Variants in SELENOI observed in about 807,000 individuals in gnomAD.
SELENOI encodes the protein ethanolaminephosphotransferase 1.
A neutral mutation model predicts 50.7 loss-of-function variants in SELENOI; 24 were observed. The observed-to-expected ratio is 0.47, with a 90% confidence interval of 0.34 to 0.67. SELENOI has a LOEUF of 0.67. Among genes scored for constraint, SELENOI ranks in the 30% least tolerant of loss-of-function variants. The pLI, the probability that SELENOI is intolerant of heterozygous loss-of-function variation, is 0.01. For missense variants in SELENOI, 352 were observed against 461.4 expected, an observed-to-expected ratio of 0.76 and a Z score of 2.17; for synonymous variants, 155 against 170.2, an observed-to-expected ratio of 0.91 and a Z score of 0.70.
At chr2:26,387,811 G>A (rs575862543) in intron 9 of SELENOI, among the ~76,000 whole-genome samples, 98 of 152,144 alleles carry the variant, frequency 6.4e-4, no homozygotes, top group African/African-American at 2.3e-3. Flanking sequence ...ATGGGGTTGT[G>A]ACAGGGTATT....
At chr2:26,353,351 A>G (rs1676998864) in intron 1 of SELENOI, among the ~76,000 whole-genome samples, 1 of 152,220 alleles carries the variant, frequency 6.6e-6, no homozygotes, top group African/African-American at 2.4e-5. Context: ...GTTGTCCTCT[A>G]TTAGAGGACA....
At chr2:26,347,134 T>C (rs1327598390) in intron 1 of SELENOI, among the ~76,000 whole-genome samples, 3 of 152,206 alleles carry the variant, frequency 2.0e-5, no homozygotes, top group Non-Finnish European at 4.4e-5. Context: ...GCCTGAAATA[T>C]GGGCTTTAAC....
chr2:26,379,197 G>A (rs1330362476), intron 6 of SELENOI, among the ~76,000 whole-genome samples: 2 of 152,220 alleles, frequency 1.3e-5, no homozygotes, highest in Non-Finnish European at 2.9e-5. Context: ...CTGGGAGGTG[G>A]AGGTTGCAGT....
At chr2:26,358,297 G>A (rs977321647) in intron 1 of SELENOI, among the ~76,000 whole-genome samples, 1 of 152,198 alleles carries the variant, frequency 6.6e-6, no homozygotes, top group Non-Finnish European at 1.5e-5. Context: ...TGAGGCAGGA[G>A]AATCGCTTGA....
intron 9 of SELENOI, among the ~76,000 whole-genome samples, chr2:26,388,606 A>C (rs1228034558): frequency 3.3e-5 from 5 of 152,232 alleles, no homozygotes; most frequent in Admixed American, 3.3e-4. Context: ...CTCCAAATTC[A>C]TAGATCTAGT....
At chr2:26,383,904 A>G (rs2147962221) in intron 7 of SELENOI, among the ~76,000 whole-genome samples, 1 of 152,254 alleles carries the variant, frequency 6.6e-6, no homozygotes, top group Non-Finnish European at 1.5e-5. Flanking sequence ...AGATCATAAA[A>G]ATTCTGAATG....
rs559653924 is a variant in SELENOI at position 26,385,299 on chromosome 2, A to G, written c.912+160A>G. Among the ~76,000 whole-genome samples the G allele has an allele frequency of 2.6e-5, 4 of 152,308 alleles. No homozygotes were observed. In the East Asian group the frequency reaches 7.7e-4, roughly 29 times the overall value. The stretch of plus-strand genomic sequence containing the variant: ...AGTAACCTCAAAGACTGAAATGCTG[A>G]AAATTATTTTATTTTGCCCTTTGAA... On this transcript the variant is annotated intron_variant, in intron 8 of 9. Transcript: ENST00000260585.
At chr2:26,386,086 G>A (rs1474470807) in intron 8 of SELENOI, among the ~76,000 whole-genome samples, 1 of 151,768 alleles carries the variant, frequency 6.6e-6, no homozygotes, top group East Asian at 1.9e-4. Context: ...TCAAACTGTT[G>A]CCCAGTGGGA....
chr2:26,373,641 T>G lies in SELENOI; in HGVS notation c.573+12T>G. 1 of 1,611,128 alleles carries G rather than the reference T, an allele frequency of 6.2e-7. No individual in the cohort carries two copies. Among genetic ancestry groups the G allele is most frequent in the Non-Finnish European group, 8.5e-7 (1 of 1,178,282 alleles). The stretch of plus-strand genomic sequence containing the variant: ...ACATTAGCCAGGTGGTAAGTATGTG[T>G]TCTACCTTAAATTTTCAGTATTACC... On this transcript the variant is annotated intron_variant, in intron 5 of 9. Transcript: ENST00000260585.
At chr2:26,351,090 G>A (rs1269829728) in intron 1 of SELENOI, among the ~76,000 whole-genome samples, 12 of 127,740 alleles carry the variant, frequency 9.4e-5, no homozygotes, top group Admixed American at 5.3e-4. Context: ...ACGGAGTCTC[G>A]TTTTGTTGCC....
intron 4 of SELENOI, among the ~76,000 whole-genome samples, chr2:26,368,783 T>C (rs995158994): frequency 6.6e-6 from 1 of 152,204 alleles, no homozygotes; most frequent in African/African-American, 2.4e-5. Flanking sequence ...AATAACTGTA[T>C]AGGAGTTACA....
In SELENOI at chr2:26,386,504, A is replaced by G. The variant is rs772600493; in HGVS notation, c.1063A>G (p.Thr355Ala). 1.1e-5 allele frequency: 18 copies of G among 1,612,512 alleles called. No individual in the cohort carries two copies. In the South Asian group the frequency reaches 1.9e-4, roughly 17 times the overall value. ...ILLYTLTTAF[T>A]LAHIHYGVRV... The stretch of plus-strand genomic sequence containing the variant: ...CCTGTATACATTAACAACTGCTTTT[A>G]CTCTGGCCCACATCCATTATGGAGT... Residue 355 changes from threonine to alanine, a missense_variant, in exon 9 of 10, where the codon ACT (threonine) becomes GCT (alanine). Transcript: ENST00000260585.
intron 1 of SELENOI, chr2:26,346,510 T>A (rs1676768138): frequency 2.0e-6 from 1 of 504,822 alleles, no homozygotes; most frequent in South Asian, 2.9e-5. Context: ...GAGATTTCCT[T>A]TTCCTTAGGA....
intron 1 of SELENOI, among the ~76,000 whole-genome samples, chr2:26,349,254 TC>T (rs2147942003): frequency 6.6e-6 from 1 of 150,690 alleles, no homozygotes; most frequent in Non-Finnish European, 1.5e-5. Context: ...CCTCAGGTGA[TC>T]CGCCCTGGCC....
chr2:26,382,233 G>T (rs928032014), intron 6 of SELENOI, among the ~76,000 whole-genome samples: 1 of 152,018 alleles, frequency 6.6e-6, no homozygotes, highest in Non-Finnish European at 1.5e-5. Context: ...GAGGGATTCT[G>T]AGAGAGAGAG....
At chr2:26,388,944 G>A in intron 9 of SELENOI, 61 bp from the exon 10 acceptor site, 1 of 1,290,614 alleles carries the variant, frequency 7.7e-7, no homozygotes, top group Non-Finnish European at 1.1e-6. Flanking sequence ...TAAATTCTGT[G>A]TGCTTTTAAA....
At chr2:26,382,883 T>C (rs1042020224) in intron 6 of SELENOI, among the ~76,000 whole-genome samples, 1 of 152,174 alleles carries the variant, frequency 6.6e-6, no homozygotes, top group African/African-American at 2.4e-5. Context: ...ATTCCCCCTT[T>C]GAGTAGCTCA....
At chr2:26,372,267 C>A (rs1406635317) in intron 4 of SELENOI, among the ~76,000 whole-genome samples, 2 of 151,992 alleles carry the variant, frequency 1.3e-5, no homozygotes, top group African/African-American at 2.4e-5. Context: ...TGTGCACCAT[C>A]CCCGGCTAAG....
At chr2:26,353,525 A>G (rs1192613863) in intron 1 of SELENOI, among the ~76,000 whole-genome samples, 2 of 152,248 alleles carry the variant, frequency 1.3e-5, no homozygotes, top group African/African-American at 2.4e-5. Context: ...TAATTGAAGC[A>G]TAACTTATCT....
Sources: allele counts gnomAD v4.1 joint callset (sites outside exome capture counted in the v4.1 genomes callset), GRCh38; gene constraint gnomAD v4.1.1; transcripts MANE v1.5; gene names NCBI Gene and HGNC (gene_info 2026-07-23, HGNC 2026-07-21).